Variants in PCDHGB2 observed in about 807,000 individuals in gnomAD.
PCDHGB2 encodes protocadherin gamma-B2.
In PCDHGB2, 55 loss-of-function variants were observed where a neutral mutation model predicts 59.3. The observed-to-expected ratio is 0.93, with a 90% confidence interval of 0.75 to 1.16. PCDHGB2 has a LOEUF of 1.16. Ranked by LOEUF, PCDHGB2 falls within the 50% of genes most tolerant of loss-of-function variation. The pLI is 0.00. For missense variants in PCDHGB2, 1,228 were observed against 1,198.5 expected, an observed-to-expected ratio of 1.02 and a Z score of -0.36; for synonymous variants, 516 against 512.0, an observed-to-expected ratio of 1.01 and a Z score of -0.11.
intron 1 of PCDHGB2, chr5:141,364,881 G>T (rs1274418788): frequency 3.1e-6 from 5 of 1,614,016 alleles, no homozygotes; most frequent in Non-Finnish European, 4.2e-6. Context: ...GATGTGGTAA[G>T]CGGAACTGAT....
In PCDHGB2 at chr5:141,485,636, G is replaced by A. The variant is rs371040974; in HGVS notation, c.2422-9171G>A. The A allele has an allele frequency of 6.2e-7, 1 of 1,611,922 alleles. No homozygotes were observed. The highest frequency in any genetic ancestry group is 1.1e-5 in the South Asian group (1 of 90,964). On this transcript the variant is annotated intron_variant, in intron 1 of 3. Transcript: ENST00000522605. This position sits in a 1 kb window ranked among gnomAD's most constrained non-coding sequence, Gnocchi z 5.7. ...TCCTCCAGGACAGCGTTTCCCGTTG[G>A]AAAAGGCTCAGGATGCAGATGTGGG...
Position 141,425,635 on chromosome 5 carries a change from T to C in PCDHGB2, c.2421+63079T>C, listed in dbSNP as rs376675545. On this transcript the variant is annotated intron_variant, in intron 1 of 3. Coordinates refer to ENST00000522605, the MANE Select transcript of PCDHGB2 (RefSeq NM_018923.3). ...TCAGTGCTCCTCCAGTTTTCTCTGA[T>C]AAAACTAGGAGGAAAATTATCTGCA... Among the ~76,000 whole-genome samples, 51 of 152,354 alleles carry C rather than the reference T, an allele frequency of 3.3e-4. 1 individual carries two copies. The South Asian group carries it at 0.01, about 30-fold the overall frequency.
intron 1 of PCDHGB2, chr5:141,364,549 GC>G (rs748045143): frequency 1.5e-5 from 25 of 1,614,000 alleles, no homozygotes; most frequent in South Asian, 1.4e-4. Flanking sequence ...GTAGGACGCA[GC>G]TTTTTGCCCT....
chr5:141,372,524 A>T, intron 1 of PCDHGB2: 1 of 1,613,968 alleles, frequency 6.2e-7, no homozygotes, highest in Non-Finnish European at 8.5e-7. Context: ...TGATTCTGGC[A>T]ATCTCCCTGC....
chr5:141,460,981 GTGTATATATA>G (rs1332002052), intron 1 of PCDHGB2, among the ~76,000 whole-genome samples: 6 of 121,884 alleles, frequency 4.9e-5, no homozygotes, highest in Non-Finnish European at 1.0e-4. Flanking sequence ...GTGTGTGTGT[GTGTATATATA>G]TATATGTGTA....
rs2099883627 is a variant in PCDHGB2, at chr5:141,511,136, G to A, written c.2759G>A (p.Gly920Asp). 4.3e-6 allele frequency: 7 copies of A among 1,614,194 alleles called. No homozygotes were observed. The East Asian group carries it at 1.6e-4, about 36-fold the overall frequency. The change falls in exon 4 of 4, where the codon GGC (glycine) becomes GAC (aspartate). Residue 920 changes from glycine (G) to aspartate (D), a missense_variant. Physicochemically the swap from Gly to Asp is moderately conservative, Grantham distance 94. This residue lies in a region of PCDHGB2 where 433 missense variants were observed against 441.8 expected (regional missense o/e 0.98). Coordinates refer to ENST00000522605, the MANE Select transcript of PCDHGB2 (RefSeq NM_018923.3). ...GGCAAGGCCCCAGCAGGTGGCAATG[G>A]CAACAAGAAGAAGTCGGGCAAGAAG... Reference protein sequence around the residue: ...RDGKAPAGGNGNKKKSGKKEK... With the variant: ...RDGKAPAGGNDNKKKSGKKEK...
At position 141,422,880 on chromosome 5, in the gene PCDHGB2, G is replaced by C. The variant is rs970045921; in HGVS notation, c.2421+60324G>C. The C allele has an allele frequency of 7.4e-6, 12 of 1,614,140 alleles. No individual in the cohort carries two copies. In the Admixed American group the frequency reaches 2.0e-4, roughly 27 times the overall value. ...TCAGCAGCAACGTGTCGCTGAGCCT[G>C]TTCGTGCTGGACCAGAACGACAATG... On this transcript the variant is annotated intron_variant, in intron 1 of 3. Coordinates refer to ENST00000522605, the MANE Select transcript of PCDHGB2 (RefSeq NM_018923.3).
chr5:141,394,661 C>T (rs1471316947), intron 1 of PCDHGB2: 1 of 1,613,378 alleles, frequency 6.2e-7, no homozygotes, highest in Non-Finnish European at 8.5e-7. Flanking sequence ...AGCCGGGACT[C>T]TTCTCGGTGG....
rs144203659 is a variant in PCDHGB2, at chr5:141,431,011, G to A, written c.2422-63796G>A. The A allele has an allele frequency of 1.5e-5, 24 of 1,613,168 alleles. No individual in the cohort carries two copies. The highest frequency in any genetic ancestry group is 1.7e-5 in the Non-Finnish European group (20 of 1,179,310). ...CCCTGAATCCGCGCAGCGGCAGCTTGGTCACGGCGGGCAGGATAGACCGGG... is the reference window on the plus strand; with the variant it reads ...CCCTGAATCCGCGCAGCGGCAGCTTAGTCACGGCGGGCAGGATAGACCGGG... On this transcript the variant is annotated intron_variant, in intron 1 of 3. Transcript: ENST00000522605. This position sits in a 1 kb window ranked among gnomAD's most constrained non-coding sequence, Gnocchi z 4.8.
rs564226347 is a variant in PCDHGB2 at position 141,361,741 on chromosome 5, G to C, written c.1606G>C (p.Asp536His). ...CTTCGAGCTCACACTGCAGGCCCGC[G>C]ACCAGGGCTCGCCCGCGCTCAGCGC... Reference protein sequence around the residue: ...RAFELTLQARDQGSPALSANV... With the variant: ...RAFELTLQARHQGSPALSANV... Residue 536 changes from aspartate to histidine, a missense_variant, in exon 1 of 4, where the codon GAC becomes CAC. Asp to His is a moderately conservative substitution (Grantham distance 81, BLOSUM62 -1). This residue lies in a region of PCDHGB2 where 781 missense variants were observed against 721.6 expected (regional missense o/e 1.08). Coordinates refer to ENST00000522605, the MANE Select transcript of PCDHGB2 (RefSeq NM_018923.3). The C allele has an allele frequency of 2.5e-5, 40 of 1,613,146 alleles. No homozygotes were observed. The South Asian group carries it at 4.0e-4, about 16-fold the overall frequency.
At chr5:141,382,833 C>T (rs1017641917) in intron 1 of PCDHGB2, 11 of 1,423,922 alleles carry the variant, frequency 7.7e-6, no homozygotes, top group South Asian at 1.4e-5. Flanking sequence ...GAGGGGTCCA[C>T]CCGGATACAC....
At chr5:141,421,841 AAG>A in intron 1 of PCDHGB2, 1 of 1,613,750 alleles carries the variant, frequency 6.2e-7, no homozygotes. Context: ...GACCGAGAGA[AAG>A]AGGCTGCTCA....
intron 1 of PCDHGB2, among the ~76,000 whole-genome samples, chr5:141,448,086 TAA>T (rs558292628): frequency 6.8e-6 from 1 of 146,354 alleles, no homozygotes; most frequent in Middle Eastern, 3.2e-3. Flanking sequence ...AATGCCATCT[TAA>T]AAAAAAAAAA....
chr5:141,372,773 T>G (rs1220480316), intron 1 of PCDHGB2: 1 of 1,610,720 alleles, frequency 6.2e-7, no homozygotes, highest in Non-Finnish European at 8.5e-7. Flanking sequence ...GTAATGACAA[T>G]CCAGAAATGC....
At chr5:141,414,233 T>A in intron 1 of PCDHGB2, 1 of 1,613,474 alleles carries the variant, frequency 6.2e-7, no homozygotes, top group Non-Finnish European at 8.5e-7. Flanking sequence ...GAGCTGACCA[T>A]CACGTCTCTA....
At chr5:141,410,804 T>A in intron 1 of PCDHGB2, 1 of 674,100 alleles carries the variant, frequency 1.5e-6, no homozygotes, top group Non-Finnish European at 2.3e-6. Flanking sequence ...TTGCTCTATC[T>A]TTTTGTAAAA....
chr5:141,393,578 GC>G, intron 1 of PCDHGB2: 1 of 1,613,930 alleles, frequency 6.2e-7, no homozygotes. Context: ...TTGAGAACAT[GC>G]CCCCAGGCAC....
chr5:141,427,881 C>A, intron 1 of PCDHGB2: 1 of 1,563,720 alleles, frequency 6.4e-7, no homozygotes, highest in African/African-American at 1.3e-5. Context: ...GATGCAGGCC[C>A]ACGACCAGGG....
chr5:141,458,593 C>T (rs1352799952), intron 1 of PCDHGB2, among the ~76,000 whole-genome samples: 4 of 151,402 alleles, frequency 2.6e-5, no homozygotes, highest in Non-Finnish European at 5.9e-5. Flanking sequence ...GTTTTGGAGA[C>T]GAGTCTCACT....
Sources: gnomAD v4.1 joint callset for allele counts (sites outside exome capture counted in the v4.1 genomes callset) on GRCh38, gnomAD v4.1.1 for gene constraint, gnomAD v4.1.1 regional missense constraint, Gnocchi (gnomAD v3.1) non-coding constraint, MANE v1.5 for transcripts, NCBI Gene and HGNC (gene_info 2026-07-23, HGNC 2026-07-21) for gene names.